Variants in ROBO2 observed in about 807,000 individuals in gnomAD.
ROBO2 encodes the protein roundabout homolog 2.
Under a neutral mutation model 160.8 loss-of-function variants are expected in ROBO2, and 53 were observed. The ratio of observed to expected loss-of-function variants is 0.33; its 90% CI spans 0.26 to 0.41. The LOEUF (loss-of-function observed/expected upper bound fraction) is 0.41, where lower values mean the gene tolerates loss of function less well. ROBO2 is among the 10% of genes least tolerant of loss of function. The pLI is 1.00. For synonymous variants in ROBO2, 664 were observed against 611.7 expected, an observed-to-expected ratio of 1.09 and a Z score of -1.26; for missense variants, 1,577 against 1,722.4, an observed-to-expected ratio of 0.92 and a Z score of 1.49.
intron 2 of ROBO2, among the ~76,000 whole-genome samples, chr3:76,837,443 A>G (rs534913192): frequency 3.3e-5 from 5 of 151,762 alleles, no homozygotes; most frequent in Admixed American, 2.0e-4. Context: ...TTTTTAAAAT[A>G]CTTCCTATCC....
rs9826079 is a variant in ROBO2, at chr3:77,627,700, G to T, written c.3760+5268G>T. On this transcript the variant is annotated intron_variant, in intron 23 of 25. Transcript: ENST00000461745. ...CAAAGGTCAATATTTGGATTAATTTGTCTAAAGACATTTGTAGCTGCAGCT... is the reference window on the plus strand; with the variant it reads ...CAAAGGTCAATATTTGGATTAATTTTTCTAAAGACATTTGTAGCTGCAGCT... 2.0e-5 allele frequency among the ~76,000 whole-genome samples: 3 copies of T among 152,076 alleles called. No individual in the cohort carries two copies. The South Asian group carries it at 6.2e-4, about 32-fold the overall frequency.
chr3:76,094,542 TG>T (rs2069362195), intron 2 of ROBO2, among the ~76,000 whole-genome samples: 2 of 152,222 alleles, frequency 1.3e-5, no homozygotes, highest in South Asian at 2.1e-4. Context: ...ACAAATAAAA[TG>T]TACTGCTCTT....
At chr3:77,389,211 T>G (rs955466955) in intron 2 of ROBO2, among the ~76,000 whole-genome samples, 1 of 152,214 alleles carries the variant, frequency 6.6e-6, no homozygotes, top group Non-Finnish European at 1.5e-5. Context: ...CCCAAAGTGC[T>G]GGGATTACAC....
chr3:76,754,655 T>C (rs1275493816), intron 2 of ROBO2, among the ~76,000 whole-genome samples: 1 of 151,896 alleles, frequency 6.6e-6, no homozygotes, highest in South Asian at 2.1e-4. Flanking sequence ...ATCCAAGTGC[T>C]GGAATCATGT....
At chr3:76,308,205 C>A (rs145079311) in intron 2 of ROBO2, among the ~76,000 whole-genome samples, 2 of 151,706 alleles carry the variant, frequency 1.3e-5, no homozygotes, top group African/African-American at 4.8e-5. Flanking sequence ...GGTGAAACCT[C>A]GTCACTACTA....
chr3:76,931,307 T>G (rs1441156967), intron 2 of ROBO2, among the ~76,000 whole-genome samples: 2 of 152,178 alleles, frequency 1.3e-5, no homozygotes, highest in African/African-American at 4.8e-5. Context: ...ATTTATATTT[T>G]TATATTTAGA....
exon 1 of ROBO2, chr3:77,040,101 T>C: frequency 1.1e-6 from 1 of 939,816 alleles, no homozygotes. Context: ...CCTCACCACG[T>C]AGGAGTTCGG....
At chr3:76,988,892 C>T (rs1002536721) in intron 2 of ROBO2, among the ~76,000 whole-genome samples, 2 of 152,052 alleles carry the variant, frequency 1.3e-5, no homozygotes, top group Non-Finnish European at 2.9e-5. Flanking sequence ...CATTTAAAGA[C>T]CTACTCCAAA....
intron 23 of ROBO2, chr3:77,633,995 T>C (rs1289540901): frequency 2.0e-5 from 3 of 152,310 alleles, no homozygotes; most frequent in African/African-American, 2.4e-5. Context: ...CATATAATAA[T>C]GTTGTATGAA....
intron 2 of ROBO2, among the ~76,000 whole-genome samples, chr3:77,414,995 A>G (rs1439900661): frequency 7.9e-5 from 12 of 152,196 alleles, no homozygotes; most frequent in Non-Finnish European, 1.8e-4. Flanking sequence ...GAAGCTGCCC[A>G]TCTGGTGGAA....
intron 2 of ROBO2, among the ~76,000 whole-genome samples, chr3:76,276,019 C>T (rs1031239837): frequency 1.3e-5 from 2 of 151,878 alleles, no homozygotes; most frequent in African/African-American, 4.8e-5. Context: ...ATGCTGATAT[C>T]AGATAATTAA....
At chr3:77,221,653 G>A (rs922239746) in intron 2 of ROBO2, among the ~76,000 whole-genome samples, 4 of 151,808 alleles carry the variant, frequency 2.6e-5, no homozygotes, top group African/African-American at 4.8e-5. Context: ...ACTATTCTAC[G>A]TCAAGTGCCC....
chr3:77,193,570 T>C (rs907900589), intron 2 of ROBO2, among the ~76,000 whole-genome samples: 1 of 152,136 alleles, frequency 6.6e-6, no homozygotes. Flanking sequence ...TGTAATCTTC[T>C]ATGTACTTAC....
chr3:76,321,037 G>A (rs554868070), intron 2 of ROBO2, among the ~76,000 whole-genome samples: 1 of 152,254 alleles, frequency 6.6e-6, no homozygotes, highest in Admixed American at 6.5e-5. Flanking sequence ...TTTACTGAAT[G>A]CTCCTAAGAG....
At chr3:76,644,964 T>C (rs912622342) in intron 2 of ROBO2, among the ~76,000 whole-genome samples, 7 of 152,190 alleles carry the variant, frequency 4.6e-5, no homozygotes, top group Admixed American at 4.6e-4. Flanking sequence ...AAACTGCCAA[T>C]TAAAGAGGAT....
intron 2 of ROBO2, among the ~76,000 whole-genome samples, chr3:76,293,972 C>T (rs1254258055): frequency 6.6e-6 from 1 of 152,160 alleles, no homozygotes; most frequent in Non-Finnish European, 1.5e-5. Context: ...TGAGCCACCA[C>T]CCTCGGTCCC....
intron 2 of ROBO2, among the ~76,000 whole-genome samples, chr3:76,487,369 A>G (rs983589939): frequency 1.4e-4 from 21 of 152,088 alleles, no homozygotes; most frequent in Admixed American, 1.4e-3. Flanking sequence ...TAAAAGGGGG[A>G]TAAAAACGTA....
chr3:76,387,826 A>G (rs1417412792), intron 2 of ROBO2, among the ~76,000 whole-genome samples: 1 of 152,188 alleles, frequency 6.6e-6, no homozygotes. Flanking sequence ...CATACAGGGG[A>G]CAAAGGCTTA....
intron 2 of ROBO2, among the ~76,000 whole-genome samples, chr3:77,344,528 A>G (rs2067419474): frequency 6.6e-6 from 1 of 152,154 alleles, no homozygotes; most frequent in Non-Finnish European, 1.5e-5. Flanking sequence ...CACAGCAGAA[A>G]CATGCCATCT....
Sources: allele counts gnomAD v4.1 joint callset (sites outside exome capture counted in the v4.1 genomes callset), GRCh38; gene constraint gnomAD v4.1.1; transcripts MANE v1.5; gene names NCBI Gene and HGNC (gene_info 2026-07-23, HGNC 2026-07-21).